Variants in FATE1 observed in about 807,000 individuals in gnomAD.
The protein encoded by FATE1 is fetal and adult testis-expressed transcript protein.
Under a neutral mutation model 16.0 loss-of-function variants are expected in FATE1, and 18 were observed. The observed-to-expected ratio is 1.12, with a 90% CI of 0.78 to 1.66. The LOEUF (loss-of-function observed/expected upper bound fraction) is 1.66. Ranked by LOEUF, FATE1 falls within the 40% of genes most tolerant of loss-of-function variation. The probability of loss-of-function intolerance (pLI) is 0.00; values close to 1 mark genes in which losing one functional copy is unlikely to be tolerated. For synonymous variants in FATE1, 76 were observed against 56.9 expected (o/e 1.34, Z -1.51); for missense variants, 169 against 152.7 (o/e 1.11, Z -0.56).
intron 4 of FATE1, 51 bp from the exon 5 acceptor site, chrX:151,722,577 G>A: frequency 8.3e-7 from 1 of 1,209,182 alleles, no homozygotes; most frequent in South Asian, 1.8e-5. Context: ...TGTGCTGTGG[G>A]CTTCTGGAGA....
rs773482312 is a variant in FATE1, at chrX:151,722,045, G to C, written c.420+64G>C. ...CAGTGCCTTGGAATAGGCAGGGCTC[G>C]ACAGCTGGGGTCCTGTAGTCCCTTA... is the stretch of plus-strand genomic sequence containing the variant. On this transcript the variant is annotated intron_variant, in intron 4 of 4. Transcript: ENST00000370350. The C allele has an allele frequency of 5.6e-4, 556 of 990,993 alleles. 2 individuals are homozygous for C. In the South Asian group the frequency reaches 1.0e-2, roughly 18 times the overall value. 81.7% of individuals were successfully genotyped at this position (990,993 alleles called of 1,213,427 possible).
intron 2 of FATE1, among the ~76,000 whole-genome samples, chrX:151,720,168 C>T (rs1332643071): frequency 9.0e-6 from 1 of 111,111 alleles, no homozygotes; most frequent in Non-Finnish European, 1.9e-5. Context: ...AGTTAAAGGC[C>T]CTGTTTTCCT....
chrX:151,721,368 T>C, intron 2 of FATE1, 27 bp from the exon 3 acceptor site: 2 of 1,188,952 alleles, frequency 1.7e-6, no homozygotes, highest in Non-Finnish European at 2.3e-6. Flanking sequence ...TTGGGCAGGC[T>C]ACTTTACTGA....
chrX:151,717,080 G>A (rs373576348), intron 1 of FATE1, among the ~76,000 whole-genome samples, 192 bp from the exon 2 acceptor site: 31 of 111,491 alleles, frequency 2.8e-4, no homozygotes, highest in African/African-American at 8.8e-4. Context: ...TCAGCCCTCA[G>A]GAAATTCCGG....
chrX:151,718,669 G>A (rs2015087905), intron 2 of FATE1, among the ~76,000 whole-genome samples: 1 of 111,682 alleles, frequency 9.0e-6, no homozygotes, highest in African/African-American at 3.3e-5. Context: ...AAAAATGCTG[G>A]CCACATTGTT....
chrX:151,721,459 A>G lies in FATE1; in HGVS notation c.299A>G (p.Glu100Gly), dbSNP rs370110740. ...GGCCATGGGGATGCCCATCTCCAGGAGTACGCTGGCAATTTCCAAGGCATA... is the reference window on the plus strand; with the variant it reads ...GGCCATGGGGATGCCCATCTCCAGGGGTACGCTGGCAATTTCCAAGGCATA... Reference protein sequence around the residue: ...ESGHGDAHLQEYAGNFQGIRF... With the variant: ...ESGHGDAHLQGYAGNFQGIRF... The change falls in exon 3 of 5, where the codon GAG (glutamate) becomes GGG (glycine). Residue 100 changes from glutamate (E) to glycine (G), a missense_variant. Physicochemically the swap from Glu to Gly is moderately conservative, Grantham distance 98. Transcript: ENST00000370350. 3 of 1,210,964 alleles carry G rather than the reference A, an allele frequency of 2.5e-6. No homozygotes were observed. The African/African-American group carries it at 5.2e-5, about 21-fold the overall frequency.
chrX:151,718,863 G>A lies in FATE1; in HGVS notation c.234+1464G>A, dbSNP rs189399070. On this transcript the variant is annotated intron_variant, in intron 2 of 4. Coordinates refer to ENST00000370350, the MANE Select transcript of FATE1 (RefSeq NM_033085.3). ...AAGTTACTGGGGGGCAATAAGGTTG[G>A]AGAGGGAGGGAGACTCGATTGCTGA... is the stretch of plus-strand genomic sequence containing the variant. Among the ~76,000 whole-genome samples the A allele has an allele frequency of 5.8e-4, 65 of 112,345 alleles. 1 individual carries two copies. Among genetic ancestry groups the A allele is most frequent in the African/African-American group, 2.0e-3 (63 of 30,899 alleles).
At chrX:151,720,590 C>G (rs1016996025) in intron 2 of FATE1, among the ~76,000 whole-genome samples, 3 of 111,891 alleles carry the variant, frequency 2.7e-5, no homozygotes, top group Non-Finnish European at 5.6e-5. Context: ...TTCAGTTTCC[C>G]CTACTTTCAA....
intron 1 of FATE1, 37 bp from the exon 2 acceptor site, chrX:151,717,235 C>A: frequency 8.4e-7 from 1 of 1,188,194 alleles, no homozygotes; most frequent in South Asian, 1.8e-5. Flanking sequence ...GGTGCAACTT[C>A]TATGGGTGCT....
intron 2 of FATE1, among the ~76,000 whole-genome samples, chrX:151,717,614 A>G (rs995963646): frequency 2.7e-5 from 3 of 112,477 alleles, no homozygotes; most frequent in African/African-American, 9.7e-5. Flanking sequence ...GGGAATTCAG[A>G]ATGCCTGAAA....
rs1457896176 is a variant in FATE1 at position 151,722,702 on chromosome X, C to A, written c.495C>A (p.Ile165=). ...GATWRHRETL[I]IAVLVSASIA... ...CCTGGCGCCACAGGGAGACCCTGATCATCGCCGTGCTGGTGTCGGCCAGCA... is the reference window on the plus strand; with the variant it reads ...CCTGGCGCCACAGGGAGACCCTGATAATCGCCGTGCTGGTGTCGGCCAGCA... Residue 165 remains isoleucine (I), a synonymous_variant, in exon 5 of 5, where the codon ATC becomes ATA. Transcript: ENST00000370350. The A allele has an allele frequency of 8.2e-7, 1 of 1,212,122 alleles. No homozygotes were observed. Among genetic ancestry groups the A allele is most frequent in the Non-Finnish European group, 1.1e-6 (1 of 895,477 alleles).
rs2015131612 is a variant in FATE1, at chrX:151,722,911, T to A, written c.*152T>A. The A allele has an allele frequency of 2.7e-6, 2 of 733,541 alleles. No homozygotes were observed. Among genetic ancestry groups the A allele is most frequent in the Non-Finnish European group, 3.8e-6 (2 of 520,478 alleles). 60.5% of individuals were successfully genotyped at this position (733,541 alleles called of 1,213,427 possible). ...TTCAACTCTGGTTAGGCCTCCTACC[T>A]GGGGAGGCCAGGTCACTGCACTGGG... On this transcript the variant is annotated 3_prime_UTR_variant, in exon 5 of 5. Coordinates refer to ENST00000370350, the MANE Select transcript of FATE1 (RefSeq NM_033085.3).
intron 2 of FATE1, among the ~76,000 whole-genome samples, chrX:151,719,639 T>G (rs2015098121): frequency 8.9e-6 from 1 of 112,418 alleles, no homozygotes; most frequent in Non-Finnish European, 1.9e-5. Flanking sequence ...TGAAGTATCT[T>G]AAGAAAATAA....
Position 151,717,310 on chromosome X carries a change from C to G in FATE1, c.145C>G (p.Gln49Glu). Residue 49 changes from glutamine to glutamate, a missense_variant, in exon 2 of 5, where the codon CAG becomes GAG. Gln to Glu is a conservative substitution (Grantham distance 29, BLOSUM62 2). Transcript: ENST00000370350. ...TGGATCTCGGTCCCGGGGTGCCTCC[C>G]AGAAGAAGCAGAAGTTGGAACAAAA... ...ELGSRSRGAS[Q>E]KKQKLEQKAA... 8.3e-7 allele frequency: 1 copy of G among 1,207,783 alleles called. No individual in the cohort carries two copies. The highest frequency in any genetic ancestry group is 1.1e-6 in the Non-Finnish European group (1 of 893,146).
rs763399735 is a variant in FATE1, at chrX:151,720,998, C to T, written c.235-397C>T. ...CTAGCCTTAGCCCTGACATTTACCA[C>T]GCATCCTTGGAAAGTAAAGGCATCT... On this transcript the variant is annotated intron_variant, in intron 2 of 4. Transcript: ENST00000370350. 7.1e-5 allele frequency among the ~76,000 whole-genome samples: 8 copies of T among 112,720 alleles called. No individual in the cohort carries two copies. The East Asian group carries it at 1.1e-3, about 16-fold the overall frequency.
intron 2 of FATE1, among the ~76,000 whole-genome samples, chrX:151,719,477 T>G (rs1162410967): frequency 1.8e-5 from 2 of 112,518 alleles, no homozygotes; most frequent in African/African-American, 6.5e-5. Context: ...CCTTATTTTT[T>G]GCCTTCAAAT....
At chrX:151,721,179 C>G (rs1269491613) in intron 2 of FATE1, among the ~76,000 whole-genome samples, 1 of 112,433 alleles carries the variant, frequency 8.9e-6, no homozygotes, top group Non-Finnish European at 1.9e-5. Context: ...CCTGGATGAC[C>G]AAGAGCTACC....
intron 1 of FATE1, among the ~76,000 whole-genome samples, chrX:151,717,037 T>A (rs747635360): frequency 3.6e-5 from 4 of 112,024 alleles, no homozygotes; most frequent in Admixed American, 2.8e-4. Flanking sequence ...GTCATTGGTC[T>A]CTAGGTTACT....
Position 151,722,632 on chromosome X carries a change from A to G in FATE1, c.425A>G (p.Tyr142Cys), listed in dbSNP as rs1392104858. ...LEMEVMRRQLYAVNRRLRALE... is the reference protein window; with the variant it reads ...LEMEVMRRQLCAVNRRLRALE... ...CTGCCTTTGACTCCTCTGCAGCTGT[A>G]TGCAGTCAACCGGCGTCTGCGCGCC... The change falls in exon 5 of 5, where the codon TAT becomes TGT. Residue 142 changes from tyrosine (Y) to cysteine (C), a missense_variant. Tyr to Cys is a radical substitution (Grantham distance 194, BLOSUM62 -2). Transcript: ENST00000370350. The G allele has an allele frequency of 1.6e-6, 2 of 1,212,137 alleles. No individual in the cohort carries two copies.
Sources: allele counts gnomAD v4.1 joint callset (sites outside exome capture counted in the v4.1 genomes callset), GRCh38; gene constraint gnomAD v4.1.1; transcripts MANE v1.5; gene names NCBI Gene and HGNC (gene_info 2026-07-23, HGNC 2026-07-21).